Variants in ANK2 observed in about 807,000 individuals in gnomAD.
ANK2 encodes the protein ankyrin-2.
ANK2 carries 83 observed loss-of-function variants against 360.5 expected under a neutral mutation model. The ratio of observed to expected loss-of-function variants is 0.23; its 90% CI spans 0.19 to 0.28. The LOEUF (loss-of-function observed/expected upper bound fraction) is 0.28, where lower values mean the gene tolerates loss of function less well. Among genes scored for constraint, ANK2 ranks in the 10% least tolerant of loss-of-function variants. The pLI, the probability that ANK2 is intolerant of heterozygous loss-of-function variation, is 1.00. For missense variants in ANK2, 4,201 were observed against 4,795.7 expected (o/e 0.88, Z 3.66); for synonymous variants, 1,740 against 1,759.5 (o/e 0.99, Z 0.28).
At chr4:112,853,953 T>A (rs1446067259) in intron 1 of ANK2, among the ~76,000 whole-genome samples, 1 of 152,242 alleles carries the variant, frequency 6.6e-6, no homozygotes, top group Non-Finnish European at 1.5e-5. Flanking sequence ...ATGCTAGGAA[T>A]AATGTTAGGC....
intron 1 of ANK2, among the ~76,000 whole-genome samples, chr4:113,114,951 C>G (rs936201397): frequency 7.2e-5 from 11 of 152,154 alleles, no homozygotes; most frequent in African/African-American, 2.7e-4. Flanking sequence ...AAATGGACAT[C>G]CACCAATCAA....
rs112315979 is a variant in ANK2, at chr4:112,847,938, A to G, written c.-40+29674A>G. Among the ~76,000 whole-genome samples, 1,013 of 152,084 alleles carry G rather than the reference A, an allele frequency of 6.7e-3. 10 individuals carry two copies. Among genetic ancestry groups the G allele is most frequent in the African/African-American group, 0.023 (946 of 41,474 alleles). On this transcript the variant is annotated intron_variant, in intron 1 of 30. Coordinates refer to the ANK2 transcript ENST00000503271. ...AGTGCATTGCTTGCTTCTCTCACACATGGCTGGCACTTATAGGTCTATGTT... is the reference window on the plus strand; with the variant it reads ...AGTGCATTGCTTGCTTCTCTCACACGTGGCTGGCACTTATAGGTCTATGTT...
At chr4:113,007,197 C>G (rs1339135298) in intron 2 of ANK2, among the ~76,000 whole-genome samples, 2 of 152,150 alleles carry the variant, frequency 1.3e-5, no homozygotes, top group Non-Finnish European at 2.9e-5. Flanking sequence ...ATACATGAAG[C>G]TGCCCGATTT....
intron 2 of ANK2, among the ~76,000 whole-genome samples, chr4:112,957,731 G>A (rs1207754359): frequency 3.8e-3 from 564 of 148,680 alleles, no homozygotes; most frequent in Middle Eastern, 0.017. Flanking sequence ...GGTGGCTGCC[G>A]GGCGGAGACG....
intron 2 of ANK2, among the ~76,000 whole-genome samples, chr4:112,954,534 T>G (rs2095242443): frequency 1.3e-5 from 2 of 152,154 alleles, no homozygotes; most frequent in African/African-American, 4.8e-5. Flanking sequence ...AGATGGTGGC[T>G]TTTGGGCTTC....
intron 33 of ANK2, 128 bp from the exon 34 acceptor site, chr4:113,342,889 G>T (rs867070528): frequency 2.5e-6 from 3 of 1,196,334 alleles, no homozygotes; most frequent in African/African-American, 1.5e-5. Context: ...AATGTCAGTT[G>T]TCAATTTAAA....
intron 1 of ANK2, among the ~76,000 whole-genome samples, chr4:112,879,632 A>G (rs1432244944): frequency 1.3e-5 from 2 of 152,228 alleles, no homozygotes; most frequent in African/African-American, 4.8e-5. Flanking sequence ...ATAGATAACT[A>G]ATGCAGAGGG....
chr4:113,320,391 C>T (rs964876568), intron 26 of ANK2, among the ~76,000 whole-genome samples: 6 of 152,184 alleles, frequency 3.9e-5, no homozygotes, highest in Non-Finnish European at 8.8e-5. Flanking sequence ...CAGTGGCTCA[C>T]GCCTATAATC....
Position 112,934,458 on chromosome 4 carries a change from G to A in ANK2, c.21+29944G>A, listed in dbSNP as rs949888892. Among the ~76,000 whole-genome samples the A allele has an allele frequency of 4.6e-5, 7 of 151,974 alleles. No homozygotes were observed. The South Asian group carries it at 8.3e-4, about 18-fold the overall frequency. On this transcript the variant is annotated intron_variant, in intron 2 of 30. Coordinates refer to the ANK2 transcript ENST00000503271. The stretch of plus-strand genomic sequence containing the variant: ...CTCGACATTCTTTTCTTCTCCCTCC[G>A]GTCTCCTAATTCCTTTCTATTTGAA...
chr4:113,206,379 T>C (rs2098948438), intron 4 of ANK2, among the ~76,000 whole-genome samples: 1 of 152,246 alleles, frequency 6.6e-6, no homozygotes, highest in South Asian at 2.1e-4. Flanking sequence ...CTGAGAATAA[T>C]AGCTTCCAGC....
chr4:113,254,962 G>A (rs554375074), intron 10 of ANK2, among the ~76,000 whole-genome samples: 1 of 140,658 alleles, frequency 7.1e-6, no homozygotes, highest in Admixed American at 7.1e-5. Flanking sequence ...TTTCCTGAAA[G>A]TTTATTTATT....
chr4:113,245,874 G>A (rs1303574688), intron 9 of ANK2, among the ~76,000 whole-genome samples: 2 of 151,246 alleles, frequency 1.3e-5, no homozygotes, highest in East Asian at 1.9e-4. Flanking sequence ...GTGCGATCTC[G>A]GCTCACCGCA....
intron 1 of ANK2, among the ~76,000 whole-genome samples, chr4:112,848,497 A>G (rs1320158317): frequency 6.6e-6 from 1 of 152,204 alleles, no homozygotes; most frequent in Non-Finnish European, 1.5e-5. Flanking sequence ...TACATAAAGT[A>G]CCGAGGCCAT....
chr4:113,111,869 T>C (rs1173388715), intron 1 of ANK2, among the ~76,000 whole-genome samples: 1 of 152,224 alleles, frequency 6.6e-6, no homozygotes, highest in Non-Finnish European at 1.5e-5. Context: ...CTGTAGATTA[T>C]ACAAAGTGAC....
intron 1 of ANK2, among the ~76,000 whole-genome samples, chr4:113,134,281 CTT>C (rs5861124): frequency 0.28 from 24,329 of 86,252 alleles, 2,682 homozygotes; most frequent in African/African-American, 0.34. Context: ...TGAAAGTTGT[CTT>C]TTTTTTTTTT....
intron 1 of ANK2, among the ~76,000 whole-genome samples, chr4:113,135,521 C>CTGTGTG (rs72311638): frequency 0.18 from 25,937 of 147,872 alleles, 3,332 homozygotes; most frequent in East Asian, 0.46. Context: ...GTGTGTGTCT[C>CTGTGTG]TCTGTGTGTG....
chr4:113,074,757 T>A (rs1240801723), intron 1 of ANK2, among the ~76,000 whole-genome samples: 2 of 152,148 alleles, frequency 1.3e-5, no homozygotes, highest in Admixed American at 6.5e-5. Flanking sequence ...ACCCAGTGAC[T>A]AACACAAGGC....
chr4:113,180,870 A>G (rs145887778), intron 2 of ANK2, among the ~76,000 whole-genome samples: 1 of 152,304 alleles, frequency 6.6e-6, no homozygotes, highest in Non-Finnish European at 1.5e-5. Context: ...ATTTAGAAGA[A>G]GCAAAAGGTG....
intron 45 of ANK2, among the ~76,000 whole-genome samples, chr4:113,380,649 G>A (rs1227587960): frequency 1.3e-5 from 2 of 152,202 alleles, no homozygotes; most frequent in Non-Finnish European, 1.5e-5. Context: ...GTGACAGAAC[G>A]AGACTCCGTC....
Sources: allele counts gnomAD v4.1 joint callset (sites outside exome capture counted in the v4.1 genomes callset), GRCh38; gene constraint gnomAD v4.1.1; transcripts MANE v1.5; gene names NCBI Gene and HGNC (gene_info 2026-07-23, HGNC 2026-07-21).